The following TLE4 variants were observed in gnomAD, a reference collection of about 807,000 sequenced individuals.
The protein encoded by TLE4 is transducin-like enhancer protein 4.
A neutral mutation model predicts 92.8 loss-of-function variants in TLE4; 8 were observed. That is an observed-to-expected ratio of 0.09 (90% CI 0.05 to 0.16). TLE4 has a LOEUF of 0.16. Ranked by LOEUF, TLE4 falls within the 10% of genes least tolerant of loss-of-function variation. TLE4 has a pLI of 1.00. For missense variants in TLE4, 675 were observed against 997.6 expected (o/e 0.68, Z 4.36); for synonymous variants, 371 against 374.1 (o/e 0.99, Z 0.10).
intron 6 of TLE4, among the ~76,000 whole-genome samples, chr9:79,638,654 G>T (rs1347687024): frequency 6.6e-6 from 1 of 152,098 alleles, no homozygotes. Flanking sequence ...AAGCAAAGTG[G>T]CAGTAATGTT....
intron 14 of TLE4, chr9:79,718,084 G>A (rs566743366): frequency 2.2e-6 from 1 of 456,518 alleles, no homozygotes; most frequent in East Asian, 6.9e-5. Flanking sequence ...AGGCCTTTGG[G>A]GCTGTCAGGA....
intron 4 of TLE4, chr9:79,576,919 G>T (rs1342163006): frequency 6.6e-6 from 1 of 151,214 alleles, no homozygotes; most frequent in Non-Finnish European, 1.5e-5. Flanking sequence ...CTAGACAGAA[G>T]AATAATAGCG....
intron 5 of TLE4, among the ~76,000 whole-genome samples, chr9:79,620,958 C>T (rs895254733): frequency 1.3e-5 from 2 of 151,994 alleles, no homozygotes; most frequent in East Asian, 1.9e-4. Flanking sequence ...CTCTCTGTTG[C>T]GAAGACAACA....
chr9:79,627,658 A>C (rs992278326), intron 6 of TLE4: 1 of 587,292 alleles, frequency 1.7e-6, no homozygotes, highest in African/African-American at 1.9e-5. Flanking sequence ...GGATGTGTTC[A>C]TGAAAACTCT....
rs143696239 is a variant in TLE4 at position 79,671,520 on chromosome 9, G to A, written c.609+17445G>A. 196 of 302,816 alleles carry A rather than the reference G, an allele frequency of 6.5e-4. 1 individual carries two copies. The East Asian group carries it at 0.014, about 22-fold the overall frequency. 18.8% of individuals were successfully genotyped at this position (302,816 alleles called of 1,614,324 possible). On this transcript the variant is annotated intron_variant, in intron 8 of 19. Coordinates refer to ENST00000376552, the MANE Select transcript of TLE4 (RefSeq NM_007005.6). ...TGGCATTCCTCTAATTGTGTGGGGA[G>A]AGGGAGTATACCCAACAGATGCTTG...
At chr9:79,667,494 T>C (rs2061587604) in intron 8 of TLE4, among the ~76,000 whole-genome samples, 1 of 152,228 alleles carries the variant, frequency 6.6e-6, no homozygotes, top group South Asian at 2.1e-4. Context: ...TTCTAAAATA[T>C]AACATACATA....
At chr9:79,654,415 T>G (rs761209619) in intron 8 of TLE4, among the ~76,000 whole-genome samples, 4 of 152,086 alleles carry the variant, frequency 2.6e-5, no homozygotes, top group Non-Finnish European at 4.4e-5. Context: ...AATAAATTGG[T>G]TTGTAAAGAG....
chr9:79,708,601 C>T lies in TLE4; in HGVS notation c.1078C>T (p.Leu360=). 6.2e-7 allele frequency: 1 copy of T among 1,612,462 alleles called. No individual in the cohort carries two copies. The highest frequency in any genetic ancestry group is 8.5e-7 in the Non-Finnish European group (1 of 1,179,122). The change falls in exon 13 of 20, where the codon CTA becomes TTA. Residue 360 remains leucine, a synonymous_variant. Transcript: ENST00000376552. ...PPGVDPLASS[L]RTPMAVPCPY... ...TCCATTTTGGTTTGCAGCCTCAAGC[C>T]TAAGGACCCCAATGGCAGTACCTTG...
chr9:79,573,380 G>T, intron 1 of TLE4: 2 of 1,170,852 alleles, frequency 1.7e-6, no homozygotes, highest in Non-Finnish European at 1.1e-6. Flanking sequence ...GGTGAGGAGG[G>T]AGTGGGCGCG....
At chr9:79,601,355 A>T (rs1587929179) in intron 4 of TLE4, 1 of 456,428 alleles carries the variant, frequency 2.2e-6, no homozygotes, top group African/African-American at 2.0e-5. Context: ...TGATATATTA[A>T]TGTGCTTTAG....
At chr9:79,605,366 C>G (rs2046564180) in intron 4 of TLE4, among the ~76,000 whole-genome samples, 1 of 152,106 alleles carries the variant, frequency 6.6e-6, no homozygotes. Context: ...AATGATTTGA[C>G]CTTGTACAAG....
At chr9:79,703,277 A>T (rs2070481260) in intron 8 of TLE4, among the ~76,000 whole-genome samples, 2 of 152,064 alleles carry the variant, frequency 1.3e-5, no homozygotes, top group Admixed American at 1.3e-4. Context: ...AGGGTCATTC[A>T]CACTTGGGAG....
At chr9:79,631,638 G>GTGTGTGTGTC (rs2054258236) in intron 6 of TLE4, among the ~76,000 whole-genome samples, 1 of 150,594 alleles carries the variant, frequency 6.6e-6, no homozygotes, top group South Asian at 2.1e-4. Flanking sequence ...GTGTGTGTGT[G>GTGTGTGTGTC]TGTGTGTGTG....
chr9:79,724,926 G>A, intron 19 of TLE4, 111 bp from the exon 20 acceptor site: 2 of 650,840 alleles, frequency 3.1e-6, no homozygotes, highest in Non-Finnish European at 2.7e-6. Flanking sequence ...CCTTGACTGG[G>A]CTTTCTGTTT....
At chr9:79,665,961 A>T (rs913645845) in intron 8 of TLE4, among the ~76,000 whole-genome samples, 11 of 152,344 alleles carry the variant, frequency 7.2e-5, no homozygotes, top group African/African-American at 2.2e-4. Flanking sequence ...AGAAGGAAGT[A>T]AAATTCTCAA....
chr9:79,592,118 T>TTTCTTCTTTC (rs529012131), intron 4 of TLE4, among the ~76,000 whole-genome samples: 1 of 151,700 alleles, frequency 6.6e-6, no homozygotes, highest in African/African-American at 2.4e-5. Flanking sequence ...TTCTTTCTTC[T>TTTCTTCTTTC]TTCTTCTTTC....
intron 6 of TLE4, among the ~76,000 whole-genome samples, chr9:79,651,229 A>G (rs947391390): frequency 6.6e-6 from 1 of 152,194 alleles, no homozygotes; most frequent in Non-Finnish European, 1.5e-5. Flanking sequence ...ATTACTCAAT[A>G]CTTGTTGTCA....
intron 6 of TLE4, among the ~76,000 whole-genome samples, chr9:79,635,329 A>C (rs1056087502): frequency 6.7e-6 from 1 of 150,320 alleles, no homozygotes; most frequent in Non-Finnish European, 1.5e-5. Flanking sequence ...GAGTTTTAAG[A>C]GTTCTTTAAT....
At chr9:79,606,187 GTTTTTTTTT>G (rs71364420) in intron 4 of TLE4, among the ~76,000 whole-genome samples, 120 of 28,672 alleles carry the variant, frequency 4.2e-3, no homozygotes, top group Non-Finnish European at 6.1e-3. Context: ...AGTAGTAGTT[GTTTTTTTTT>G]TTTTTTTTTT....
Sources: allele counts gnomAD v4.1 joint callset (sites outside exome capture counted in the v4.1 genomes callset), GRCh38; gene constraint gnomAD v4.1.1; transcripts MANE v1.5; gene names NCBI Gene and HGNC (gene_info 2026-07-23, HGNC 2026-07-21).